Variants in GRIK2 observed in about 807,000 individuals in gnomAD.
GRIK2 encodes the protein glutamate receptor ionotropic, kainate 2.
In GRIK2, 32 loss-of-function variants were observed where a neutral mutation model predicts 100.3. The ratio of observed to expected loss-of-function variants is 0.32; its 90% CI spans 0.24 to 0.43. The LOEUF (loss-of-function observed/expected upper bound fraction) is 0.43. Ranked by LOEUF, GRIK2 falls within the 20% of genes least tolerant of loss-of-function variation. GRIK2 has a pLI of 1.00. For missense variants in GRIK2, 843 were observed against 1,114.9 expected, an observed-to-expected ratio of 0.76 and a Z score of 3.47; for synonymous variants, 417 against 389.4, an observed-to-expected ratio of 1.07 and a Z score of -0.83.
chr6:101,752,714 A>G (rs1393365093), intron 7 of GRIK2, among the ~76,000 whole-genome samples: 2 of 152,212 alleles, frequency 1.3e-5, no homozygotes, highest in African/African-American at 4.8e-5. Context: ...AAAAACAAAC[A>G]TAAGAGTCTC....
intron 2 of GRIK2, among the ~76,000 whole-genome samples, chr6:101,591,982 C>T (rs1206478007): frequency 6.6e-6 from 1 of 151,930 alleles, no homozygotes; most frequent in Non-Finnish European, 1.5e-5. Flanking sequence ...GGCTTAGTGT[C>T]ATCTCCTTGC....
intron 2 of GRIK2, among the ~76,000 whole-genome samples, chr6:101,530,176 G>A (rs1256766610): frequency 6.6e-6 from 1 of 151,998 alleles, no homozygotes; most frequent in Non-Finnish European, 1.5e-5. Context: ...ACATGCTGGT[G>A]CATTAAAGAG....
chr6:101,686,106 G>T (rs115469973), intron 6 of GRIK2, 74 bp from the exon 7 acceptor site: 3 of 1,266,454 alleles, frequency 2.4e-6, no homozygotes, highest in Non-Finnish European at 3.3e-6. Flanking sequence ...AACAAAAAAA[G>T]TGACTATTTC....
intron 11 of GRIK2, among the ~76,000 whole-genome samples, chr6:101,863,629 A>T (rs1312469560): frequency 6.6e-6 from 1 of 152,138 alleles, no homozygotes. Context: ...TCTCTGACCT[A>T]CTGTCATAAT....
chr6:102,037,499 G>A (rs895518861), intron 15 of GRIK2, among the ~76,000 whole-genome samples: 6 of 151,218 alleles, frequency 4.0e-5, no homozygotes, highest in Non-Finnish European at 5.9e-5. Flanking sequence ...GATACTGGAT[G>A]CCACTGTTTT....
At chr6:101,815,634 A>G (rs1426767415) in intron 9 of GRIK2, among the ~76,000 whole-genome samples, 1 of 150,988 alleles carries the variant, frequency 6.6e-6, no homozygotes, top group Non-Finnish European at 1.5e-5. Context: ...AAAAAAAAAA[A>G]GTATTTCAAA....
At position 102,037,917 on chromosome 6, in the gene GRIK2, A is replaced by G. The variant is rs1204600586; in HGVS notation, c.2311+2351A>G. On this transcript the variant is annotated intron_variant, in intron 15 of 16. Transcript: ENST00000369134. ...CAACTTCTTTGATAATTTTTGAAAT[A>G]TGTTTTTTCCTAGGAAAAATCATAT... 2.0e-5 allele frequency among the ~76,000 whole-genome samples: 3 copies of G among 151,354 alleles called. No homozygotes were observed. In the East Asian group the frequency reaches 5.8e-4, roughly 29 times the overall value.
chr6:101,575,636 T>C (rs1284183653), intron 2 of GRIK2, among the ~76,000 whole-genome samples: 1 of 152,058 alleles, frequency 6.6e-6, no homozygotes, highest in African/African-American at 2.4e-5. Flanking sequence ...TTAATTCTAT[T>C]AGTTGAATAT....
intron 2 of GRIK2, among the ~76,000 whole-genome samples, chr6:101,461,112 A>G (rs1771285853): frequency 6.6e-6 from 1 of 152,192 alleles, no homozygotes; most frequent in Non-Finnish European, 1.5e-5. Flanking sequence ...CCTAGTTGCT[A>G]AATACTGGAG....
intron 2 of GRIK2, among the ~76,000 whole-genome samples, chr6:101,419,598 C>T (rs1237829628): frequency 6.6e-6 from 1 of 152,176 alleles, no homozygotes; most frequent in Non-Finnish European, 1.5e-5. Context: ...ATTTTATATG[C>T]ATTTACACAC....
At chr6:101,900,277 C>A (rs1448165193) in intron 12 of GRIK2, among the ~76,000 whole-genome samples, 4 of 151,970 alleles carry the variant, frequency 2.6e-5, no homozygotes, top group Non-Finnish European at 5.9e-5. Flanking sequence ...CCAGCCTGAC[C>A]AACATAGAGA....
At position 101,395,860 on chromosome 6, in the gene GRIK2, T is replaced by G. The variant is rs181372919; in HGVS notation, c.-294+2023T>G. ...TGTTTTTGCAGTTTGTTATCTCTGC[T>G]TTGACCTTGGAATCTACAGAGCTTT... On this transcript the variant is annotated intron_variant, in intron 1 of 16. Transcript: ENST00000369134. Among the ~76,000 whole-genome samples, 252 of 152,266 alleles carry G rather than the reference T, an allele frequency of 1.7e-3. 1 individual carries two copies. The highest frequency in any genetic ancestry group is 5.7e-3 in the African/African-American group (235 of 41,558).
At chr6:101,663,825 A>G (rs1272436053) in intron 4 of GRIK2, among the ~76,000 whole-genome samples, 1 of 152,184 alleles carries the variant, frequency 6.6e-6, no homozygotes, top group African/African-American at 2.4e-5. Context: ...CATGTAGTTC[A>G]GGCGAGGCTG....
rs533440184 is a variant in GRIK2, at chr6:101,738,021, T to C, written c.951+51668T>C. Among the ~76,000 whole-genome samples the C allele has an allele frequency of 4.7e-4, 72 of 152,280 alleles. No individual in the cohort carries two copies. The South Asian group carries it at 6.0e-3, about 13-fold the overall frequency. On this transcript the variant is annotated intron_variant, in intron 7 of 16. Coordinates refer to ENST00000369134, the MANE Select transcript of GRIK2 (RefSeq NM_021956.5). Reference sequence around the variant, plus strand: ...GCCTAAGAAGATAGAGATTGAGACATATGTCTTCTTTTTTTTCTTAGTGAA... The same window carrying C: ...GCCTAAGAAGATAGAGATTGAGACACATGTCTTCTTTTTTTTCTTAGTGAA...
At chr6:101,521,697 T>C (rs1427507406) in intron 2 of GRIK2, among the ~76,000 whole-genome samples, 1 of 151,882 alleles carries the variant, frequency 6.6e-6, no homozygotes, top group African/African-American at 2.4e-5. Flanking sequence ...AGGATAATTG[T>C]TGTCTAGTTT....
chr6:101,784,576 T>A (rs1310331894), intron 7 of GRIK2, among the ~76,000 whole-genome samples: 1 of 152,150 alleles, frequency 6.6e-6, no homozygotes, highest in Non-Finnish European at 1.5e-5. Flanking sequence ...ATGGCTTGGC[T>A]CTGTGTTCCC....
At chr6:101,789,267 C>A (rs1204214367) in intron 7 of GRIK2, among the ~76,000 whole-genome samples, 5 of 151,954 alleles carry the variant, frequency 3.3e-5, no homozygotes, top group Admixed American at 1.3e-4. Context: ...TGTTTTAGAC[C>A]TGAAGTCCTT....
intron 7 of GRIK2, among the ~76,000 whole-genome samples, chr6:101,764,749 T>A (rs1234326397): frequency 2.0e-5 from 3 of 152,112 alleles, no homozygotes; most frequent in African/African-American, 7.2e-5. Flanking sequence ...CTGCCTCTAG[T>A]ATTATACCAA....
chr6:102,028,480 A>C (rs1175810985), intron 14 of GRIK2, among the ~76,000 whole-genome samples: 2 of 151,278 alleles, frequency 1.3e-5, no homozygotes, highest in Non-Finnish European at 1.5e-5. Flanking sequence ...ATAGAAAAAT[A>C]AGTTTCTTTA....
Sources: gnomAD v4.1 joint callset for allele counts (sites outside exome capture counted in the v4.1 genomes callset) on GRCh38, gnomAD v4.1.1 for gene constraint, MANE v1.5 for transcripts, NCBI Gene and HGNC (gene_info 2026-07-23, HGNC 2026-07-21) for gene names.